CCDC146: variants seen among roughly 807,000 people sequenced by gnomAD.
CCDC146 encodes the protein coiled-coil domain containing 146.
CCDC146 carries 92 observed loss-of-function variants against 119.3 expected under a neutral mutation model. The ratio of observed to expected loss-of-function variants is 0.77; its 90% CI spans 0.65 to 0.92. The LOEUF (loss-of-function observed/expected upper bound fraction) is 0.92, where lower values mean the gene tolerates loss of function less well. CCDC146 is among the 40% of genes least tolerant of loss of function. CCDC146 has a pLI of 0.00. For missense variants in CCDC146, 1,000 were observed against 1,103.0 expected (o/e 0.91, Z 1.32); for synonymous variants, 372 against 371.8 (o/e 1.00, Z -0.01).
chr7:77,270,280 C>T (rs1373498345), intron 9 of CCDC146, among the ~76,000 whole-genome samples: 2 of 151,464 alleles, frequency 1.3e-5, no homozygotes, highest in Non-Finnish European at 1.5e-5. Context: ...AATAGTGACT[C>T]CTGGGGAGTA....
intron 4 of CCDC146, among the ~76,000 whole-genome samples, chr7:77,249,893 T>C (rs1793026690): frequency 1.3e-5 from 2 of 152,242 alleles, no homozygotes; most frequent in South Asian, 4.1e-4. Context: ...GTTTTTGTTC[T>C]CTCTTTTTAT....
At chr7:77,139,145 G>A (rs1790899014) in intron 1 of CCDC146, among the ~76,000 whole-genome samples, 1 of 152,160 alleles carries the variant, frequency 6.6e-6, no homozygotes, top group African/African-American at 2.4e-5. Context: ...AATAAACTTT[G>A]ACACATCCAG....
intron 5 of CCDC146, 22 bp from the exon 6 acceptor site, chr7:77,256,311 A>G: frequency 6.4e-7 from 1 of 1,564,454 alleles, no homozygotes; most frequent in Non-Finnish European, 8.6e-7. Flanking sequence ...ATATAACCTA[A>G]TCATCTTCAC....
chr7:77,124,426 A>T (rs1425245000), intron 1 of CCDC146, among the ~76,000 whole-genome samples: 1 of 152,212 alleles, frequency 6.6e-6, no homozygotes, highest in African/African-American at 2.4e-5. Flanking sequence ...TTGTCAAACC[A>T]TGTTCACATG....
chr7:77,183,774 A>C (rs1401617804), intron 2 of CCDC146, among the ~76,000 whole-genome samples: 1 of 152,120 alleles, frequency 6.6e-6, no homozygotes, highest in Non-Finnish European at 1.5e-5. Flanking sequence ...TTTCCAGCTA[A>C]TTTACAGTAG....
intron 8 of CCDC146, among the ~76,000 whole-genome samples, chr7:77,261,003 G>T (rs1793286232): frequency 6.6e-6 from 1 of 152,090 alleles, no homozygotes; most frequent in East Asian, 1.9e-4. Context: ...TTTTTGGGGG[G>T]TGGGGGTTAT....
At chr7:77,179,179 G>T (rs1431831693) in intron 2 of CCDC146, among the ~76,000 whole-genome samples, 1 of 152,190 alleles carries the variant, frequency 6.6e-6, no homozygotes, top group East Asian at 1.9e-4. Flanking sequence ...ATGCAAGCCA[G>T]ACTGGGAAGT....
intron 2 of CCDC146, among the ~76,000 whole-genome samples, chr7:77,217,257 A>G (rs1792317062): frequency 6.6e-6 from 1 of 151,954 alleles, no homozygotes; most frequent in African/African-American, 2.4e-5. Flanking sequence ...AAGGAATAAG[A>G]CATTCCAAAA....
At chr7:77,140,884 T>C (rs1194690154) in intron 1 of CCDC146, among the ~76,000 whole-genome samples, 1 of 152,202 alleles carries the variant, frequency 6.6e-6, no homozygotes, top group Non-Finnish European at 1.5e-5. Flanking sequence ...TATATTGATA[T>C]ATTGATTCAT....
At chr7:77,292,183 A>G (rs1793956369) in intron 17 of CCDC146, among the ~76,000 whole-genome samples, 1 of 152,038 alleles carries the variant, frequency 6.6e-6, no homozygotes, top group African/African-American at 2.4e-5. Context: ...AGTCCTATCT[A>G]CTTAGGAGGC....
chr7:77,293,631 C>A (rs1793992879), intron 18 of CCDC146, among the ~76,000 whole-genome samples: 1 of 152,240 alleles, frequency 6.6e-6, no homozygotes, highest in African/African-American at 2.4e-5. Flanking sequence ...AGGTGCCATG[C>A]CTTCTGCAGA....
rs1319251630 is a variant in CCDC146 at position 77,215,680 on chromosome 7, T to C, written c.157-21267T>C. ...CTTATAGATGTCTCTTTTCTCCACA[T>C]CAAAATCCTGATTTTCAATGACATT... is the stretch of plus-strand genomic sequence containing the variant. On this transcript the variant is annotated intron_variant, in intron 2 of 18. Coordinates refer to ENST00000285871, the MANE Select transcript of CCDC146 (RefSeq NM_020879.3). Among the ~76,000 whole-genome samples, 4 of 152,146 alleles carry C rather than the reference T, an allele frequency of 2.6e-5. No individual in the cohort carries two copies. In the East Asian group the frequency reaches 7.7e-4, roughly 29 times the overall value.
intron 1 of CCDC146, among the ~76,000 whole-genome samples, chr7:77,141,869 G>A (rs1387557157): frequency 6.6e-6 from 1 of 152,114 alleles, no homozygotes; most frequent in Non-Finnish European, 1.5e-5. Context: ...TAGGTTGCCT[G>A]TTCACTGTGA....
intron 2 of CCDC146, among the ~76,000 whole-genome samples, chr7:77,211,970 G>T (rs753820251): frequency 6.6e-6 from 1 of 152,126 alleles, no homozygotes; most frequent in Non-Finnish European, 1.5e-5. Flanking sequence ...ATGCTTAATT[G>T]TGAAACTCCA....
chr7:77,282,504 TA>T, intron 14 of CCDC146, 52 bp from the exon 15 acceptor site: 1 of 1,239,268 alleles, frequency 8.1e-7, no homozygotes, highest in Non-Finnish European at 1.1e-6. Context: ...CAATGACTAG[TA>T]AAACGGTGGT....
chr7:77,239,216 C>CTG (rs1792798126), intron 3 of CCDC146, among the ~76,000 whole-genome samples: 1 of 152,222 alleles, frequency 6.6e-6, no homozygotes, highest in African/African-American at 2.4e-5. Flanking sequence ...AAAACAGGCA[C>CTG]TGTAGCCTGG....
At chr7:77,276,728 G>A (rs1308598116) in intron 11 of CCDC146, among the ~76,000 whole-genome samples, 3 of 152,268 alleles carry the variant, frequency 2.0e-5, no homozygotes, top group East Asian at 1.9e-4. Flanking sequence ...GTGGCTAAGC[G>A]GGTAAGATGC....
intron 1 of CCDC146, among the ~76,000 whole-genome samples, chr7:77,142,177 C>T (rs1201459998): frequency 6.6e-6 from 1 of 152,148 alleles, no homozygotes; most frequent in Non-Finnish European, 1.5e-5. Context: ...TGCCCTCTCT[C>T]ACCACTCTTA....
At chr7:77,241,923 C>T in intron 4 of CCDC146, 23 bp downstream of exon 4, 1 of 1,558,566 alleles carries the variant, frequency 6.4e-7, no homozygotes, top group Non-Finnish European at 8.8e-7. Context: ...TTCTCTCCGG[C>T]ACACTGAAAA....
Sources: allele counts gnomAD v4.1 joint callset (sites outside exome capture counted in the v4.1 genomes callset), GRCh38; gene constraint gnomAD v4.1.1; transcripts MANE v1.5; gene names NCBI Gene and HGNC (gene_info 2026-07-23, HGNC 2026-07-21).